Variants in DSE observed in about 807,000 individuals in gnomAD.
DSE encodes dermatan sulfate epimerase.
DSE carries 36 observed loss-of-function variants against 84.4 expected under a neutral mutation model. The observed-to-expected ratio is 0.43, with a 90% confidence interval of 0.33 to 0.56. The LOEUF (loss-of-function observed/expected upper bound fraction) is 0.56, where lower values mean the gene tolerates loss of function less well. DSE is among the 20% of genes least tolerant of loss of function. The pLI is 0.06. For missense variants in DSE, 862 were observed against 1,169.6 expected, an observed-to-expected ratio of 0.74 and a Z score of 3.84; for synonymous variants, 410 against 430.1, an observed-to-expected ratio of 0.95 and a Z score of 0.58.
intron 3 of DSE, among the ~76,000 whole-genome samples, chr6:116,427,959 C>T (rs1388915979): frequency 6.6e-6 from 1 of 152,174 alleles, no homozygotes; most frequent in Non-Finnish European, 1.5e-5. Flanking sequence ...AAGGCCAAAG[C>T]GGGCGGATCA....
chr6:116,301,680 G>A (rs1775050582), intron 2 of DSE, among the ~76,000 whole-genome samples: 1 of 152,078 alleles, frequency 6.6e-6, no homozygotes, highest in Non-Finnish European at 1.5e-5. Context: ...TACATGTGCA[G>A]AACGTGCAGG....
chr6:116,330,217 T>G (rs1776857493), intron 2 of DSE, among the ~76,000 whole-genome samples: 1 of 152,236 alleles, frequency 6.6e-6, no homozygotes, highest in South Asian at 2.1e-4. Flanking sequence ...CATGATTACA[T>G]AGTCAAAATT....
chr6:116,315,412 A>T (rs781133424), intron 2 of DSE, among the ~76,000 whole-genome samples: 1 of 151,942 alleles, frequency 6.6e-6, no homozygotes, highest in Non-Finnish European at 1.5e-5. Context: ...TGTAAATGTC[A>T]TAAGGGCAGG....
chr6:116,408,769 A>G (rs769807656), intron 2 of DSE, among the ~76,000 whole-genome samples: 1 of 152,208 alleles, frequency 6.6e-6, no homozygotes, highest in Non-Finnish European at 1.5e-5. Context: ...TTCCTCCTGC[A>G]CCTGGCCTTC....
rs1251665377 is a variant in DSE, at chr6:116,436,843, G to C, written c.2375G>C (p.Arg792Thr). Reference protein sequence around the residue: ...DKRQTEEAIDRIFAISQQQQQ... With the variant: ...DKRQTEEAIDTIFAISQQQQQ... Reference sequence around the variant, plus strand: ...AGACAGACTGAGGAGGCCATTGACAGGATTTTTGCCATATCACAGCAACAG... The same window carrying C: ...AGACAGACTGAGGAGGCCATTGACACGATTTTTGCCATATCACAGCAACAG... The change falls in exon 6 of 6, where the codon AGG becomes ACG. Residue 792 changes from arginine to threonine, a missense_variant. This residue lies in a region of DSE where 315 missense variants were observed against 348.1 expected (regional missense o/e 0.90). Transcript: ENST00000644252. 1 of 1,614,088 alleles carries C rather than the reference G, an allele frequency of 6.2e-7. No individual in the cohort carries two copies. The highest frequency in any genetic ancestry group is 2.2e-5 in the East Asian group (1 of 44,882).
At chr6:116,353,391 C>A (rs1337314098) in intron 2 of DSE, among the ~76,000 whole-genome samples, 2 of 152,144 alleles carry the variant, frequency 1.3e-5, no homozygotes, top group African/African-American at 2.4e-5. Flanking sequence ...CCAAATAAAT[C>A]TGTTTATGTG....
upstream of DSE, chr6:116,366,956 G>A (rs1430172354): frequency 6.6e-6 from 1 of 152,244 alleles, no homozygotes; most frequent in Non-Finnish European, 1.5e-5. Flanking sequence ...TGCAGTGGAG[G>A]TGGAATTCAA....
At chr6:116,258,269 G>T (rs1772229834) in intron 1 of DSE, among the ~76,000 whole-genome samples, 1 of 152,064 alleles carries the variant, frequency 6.6e-6, no homozygotes, top group Non-Finnish European at 1.5e-5. Context: ...GCCCGCCTTG[G>T]CCTCTCAAAG....
Position 116,438,850 on chromosome 6 carries a change from A to C in DSE, c.*1505A>C, listed in dbSNP as rs572031640. The C allele has an allele frequency of 6.6e-6, 1 of 152,324 alleles. No individual in the cohort carries two copies. The highest frequency in any genetic ancestry group is 1.9e-4 in the East Asian group (1 of 5,188). 9.4% of individuals were successfully genotyped at this position (152,324 alleles called of 1,614,324 possible). A position where few individuals can be genotyped will look rare whatever the true frequency, so the allele number is the denominator to read the frequency against. On this transcript the variant is annotated 3_prime_UTR_variant, in exon 6 of 6. Transcript: ENST00000644252. ...GTACCTTTCTGCAGTTCTAATTTGA[A>C]CCTTCTTGCATAAAGAAAACACAAG...
rs141693876 is a variant in DSE, at chr6:116,322,247, G to C, written c.-54+63280G>C. Among the ~76,000 whole-genome samples, 1,215 of 152,250 alleles carry C rather than the reference G, an allele frequency of 8.0e-3. 22 individuals are homozygous for C. Among genetic ancestry groups the C allele is most frequent in the South Asian group, 0.056 (272 of 4,824 alleles). ...AGATAACATAACCGATTAGGTCGGGGTCGATCTTTAACTACCAGGCCCAGG... is the reference window on the plus strand; with the variant it reads ...AGATAACATAACCGATTAGGTCGGGCTCGATCTTTAACTACCAGGCCCAGG... On this transcript the variant is annotated intron_variant, in intron 2 of 3. Transcript: ENST00000430252.
At chr6:116,361,882 CAACA>C (rs1778914399) in intron 2 of DSE, among the ~76,000 whole-genome samples, 1 of 152,196 alleles carries the variant, frequency 6.6e-6, no homozygotes, top group Non-Finnish European at 1.5e-5. Flanking sequence ...AAGGGACTCA[CAACA>C]AACGTGAGTC....
At chr6:116,266,267 C>T (rs988096052) in intron 2 of DSE, among the ~76,000 whole-genome samples, 4 of 152,100 alleles carry the variant, frequency 2.6e-5, no homozygotes, top group East Asian at 1.9e-4. Flanking sequence ...TTAGTCTTGC[C>T]GACATTATTG....
At chr6:116,286,290 A>G (rs150765799) in intron 2 of DSE, among the ~76,000 whole-genome samples, 29 of 152,282 alleles carry the variant, frequency 1.9e-4, no homozygotes, top group African/African-American at 5.5e-4. Flanking sequence ...GCAATTGTGA[A>G]TGGAAGGTGA....
intron 2 of DSE, among the ~76,000 whole-genome samples, chr6:116,360,890 CAA>C (rs1459023586): frequency 6.6e-6 from 1 of 152,084 alleles, no homozygotes; most frequent in African/African-American, 2.4e-5. Flanking sequence ...GACTGCATGA[CAA>C]TTAAATTCAC....
At chr6:116,258,932 G>A (rs779975170) in exon 2 of DSE, 8 of 1,556,312 alleles carry the variant, frequency 5.1e-6, no homozygotes, top group Non-Finnish European at 7.1e-6. Flanking sequence ...TGAGCTTTGT[G>A]GAAGCATTTG....
At chr6:116,401,137 T>C (rs990929616) in intron 2 of DSE, 5 of 152,124 alleles carry the variant, frequency 3.3e-5, no homozygotes, top group African/African-American at 1.2e-4. Context: ...CACAATACAG[T>C]AACATGAGAA....
At chr6:116,421,930 T>TTA (rs1391492084) in intron 2 of DSE, among the ~76,000 whole-genome samples, 1 of 152,224 alleles carries the variant, frequency 6.6e-6, no homozygotes, top group Non-Finnish European at 1.5e-5. Context: ...GAGGAGTATT[T>TTA]TAATAATCTT....
At chr6:116,420,124 T>C (rs1486205256) in intron 2 of DSE, among the ~76,000 whole-genome samples, 2 of 152,244 alleles carry the variant, frequency 1.3e-5, no homozygotes, top group Non-Finnish European at 2.9e-5. Context: ...GTTTCTTGTA[T>C]ACTGTTGATT....
At position 116,411,819 on chromosome 6, in the gene DSE, A is replaced by G. The variant is rs1049602613; in HGVS notation, c.416+12153A>G. On this transcript the variant is annotated intron_variant, in intron 2 of 5. Coordinates refer to ENST00000644252, the MANE Select transcript of DSE (RefSeq NM_013352.4). Reference sequence around the variant, plus strand: ...TGAATCTTTTGCCTTCTGCTTTTCTACTATAACCTGTAACTTGGTCAGAGA... The same window carrying G: ...TGAATCTTTTGCCTTCTGCTTTTCTGCTATAACCTGTAACTTGGTCAGAGA... Among the ~76,000 whole-genome samples the G allele has an allele frequency of 2.2e-4, 34 of 152,186 alleles. 1 individual carries two copies. Among genetic ancestry groups the G allele is most frequent in the African/African-American group, 8.2e-4 (34 of 41,442 alleles).
Sources: gnomAD v4.1 joint callset for allele counts (sites outside exome capture counted in the v4.1 genomes callset) on GRCh38, gnomAD v4.1.1 for gene constraint, gnomAD v4.1.1 regional missense constraint, MANE v1.5 for transcripts, NCBI Gene and HGNC (gene_info 2026-07-23, HGNC 2026-07-21) for gene names.